The following CTNNA2 variants were observed in gnomAD, a reference collection of about 807,000 sequenced individuals.
CTNNA2 encodes catenin alpha-2.
Under a neutral mutation model 101.0 loss-of-function variants are expected in CTNNA2, and 42 were observed. The ratio of observed to expected loss-of-function variants is 0.42; its 90% CI spans 0.32 to 0.54. CTNNA2 has a LOEUF of 0.54. Among genes scored for constraint, CTNNA2 ranks in the 20% least tolerant of loss-of-function variants. The pLI is 0.14. For missense variants in CTNNA2, 871 were observed against 1,223.1 expected (o/e 0.71, Z 4.29); for synonymous variants, 450 against 456.4 (o/e 0.99, Z 0.18).
At chr2:80,325,527 C>G (rs1429822737) in intron 7 of CTNNA2, among the ~76,000 whole-genome samples, 1 of 152,084 alleles carries the variant, frequency 6.6e-6, no homozygotes, top group East Asian at 1.9e-4. Context: ...TGTATTTTTC[C>G]TGATCAGAGA....
In CTNNA2 at chr2:79,820,767, A is replaced by T. The variant is rs1327325292; in HGVS notation, c.299-37246A>T. On this transcript the variant is annotated intron_variant, in intron 3 of 18. Coordinates refer to ENST00000402739, the MANE Select transcript of CTNNA2 (RefSeq NM_001282597.3). Reference sequence around the variant, plus strand: ...CATGTTCCTCAGAATGAAATGACTTATGCTTGGAAATATTGATGCTTAGCT... The same window carrying T: ...CATGTTCCTCAGAATGAAATGACTTTTGCTTGGAAATATTGATGCTTAGCT... Among the ~76,000 whole-genome samples the T allele has an allele frequency of 2.6e-5, 4 of 152,174 alleles. No individual in the cohort carries two copies. The East Asian group carries it at 7.7e-4, about 29-fold the overall frequency.
intron 4 of CTNNA2, among the ~76,000 whole-genome samples, chr2:79,378,994 C>A (rs11679898): frequency 6.6e-6 from 1 of 151,926 alleles, no homozygotes; most frequent in Admixed American, 6.6e-5. Context: ...TTCCCAGCCT[C>A]AGTACCACTT....
At chr2:79,794,058 C>CA (rs1558934722) in intron 3 of CTNNA2, among the ~76,000 whole-genome samples, 1 of 151,814 alleles carries the variant, frequency 6.6e-6, no homozygotes, top group African/African-American at 2.4e-5. Flanking sequence ...ATGGGTGCAC[C>CA]AAAGTCTCAC....
chr2:80,640,328 T>G (rs1673330216), intron 18 of CTNNA2, among the ~76,000 whole-genome samples: 1 of 152,202 alleles, frequency 6.6e-6, no homozygotes, highest in Admixed American at 6.5e-5. Context: ...GCAAGGTGCC[T>G]GAGTGATTAA....
intron 7 of CTNNA2, among the ~76,000 whole-genome samples, chr2:80,232,341 G>GTTTTTTTTTTTTTTTTTTTTTT (rs1286822049): frequency 2.6e-4 from 21 of 82,040 alleles, no homozygotes; most frequent in Non-Finnish European, 4.0e-4. Context: ...TTGTTTGTTT[G>GTTTTTTTTTTTTTTTTTTTTTT]TTTGTTTTTT....
intron 3 of CTNNA2, among the ~76,000 whole-genome samples, chr2:79,787,788 T>G (rs1674964749): frequency 6.6e-6 from 1 of 152,042 alleles, no homozygotes; most frequent in South Asian, 2.1e-4. Context: ...ATTGATCCTC[T>G]TACCTCTGTC....
At chr2:79,414,014 G>C (rs1678449189) in intron 4 of CTNNA2, among the ~76,000 whole-genome samples, 1 of 149,748 alleles carries the variant, frequency 6.7e-6, no homozygotes, top group African/African-American at 2.5e-5. Context: ...CTATTTTGCA[G>C]AGTCAAGATT....
At chr2:79,529,511 A>G (rs1672615244) in intron 1 of CTNNA2, among the ~76,000 whole-genome samples, 1 of 152,102 alleles carries the variant, frequency 6.6e-6, no homozygotes, top group African/African-American at 2.4e-5. Context: ...GGTGACAGTT[A>G]TAGCTGTGGA....
chr2:80,002,850 T>C (rs78534996), intron 7 of CTNNA2, among the ~76,000 whole-genome samples: 6,357 of 152,172 alleles, frequency 0.042, 451 homozygotes, highest in African/African-American at 0.14. Context: ...AACATCTAAA[T>C]CACCTGTTTA....
intron 4 of CTNNA2, among the ~76,000 whole-genome samples, chr2:79,411,481 AG>A (rs1230072151): frequency 6.6e-6 from 1 of 152,042 alleles, no homozygotes; most frequent in African/African-American, 2.4e-5. Flanking sequence ...AAAAATGTTA[AG>A]GGCAGCCAGA....
chr2:80,302,841 A>T lies in CTNNA2; in HGVS notation c.1057-90370A>T, dbSNP rs781605785. On this transcript the variant is annotated intron_variant, in intron 7 of 18. Coordinates refer to ENST00000402739, the MANE Select transcript of CTNNA2 (RefSeq NM_001282597.3). This position sits in a 1 kb window ranked among gnomAD's most constrained non-coding sequence, Gnocchi z 6.4. ...CGCCCCTGGAAGTTGTTGAGCCACG[A>T]GGCTAGGGCACACACGTTGCGCCCG... The T allele has an allele frequency of 6.2e-7, 1 of 1,614,078 alleles. No individual in the cohort carries two copies.
intron 4 of CTNNA2, among the ~76,000 whole-genome samples, chr2:79,423,056 GGGAGGCCTTTGT>G (rs1002038151): frequency 2.5e-4 from 38 of 152,254 alleles, no homozygotes; most frequent in African/African-American, 8.4e-4. Context: ...ACTTGAAATT[GGGAGGCCTTTGT>G]GATTGCTTAA....
In CTNNA2 at chr2:79,456,152, T is replaced by A. The variant is rs1035383155; in HGVS notation, c.-134-48902T>A. 3.3e-5 allele frequency among the ~76,000 whole-genome samples: 5 copies of A among 150,784 alleles called. No individual in the cohort carries two copies. In the South Asian group the frequency reaches 8.3e-4, roughly 25 times the overall value. ...TAAATTATAAAATTATAATTTAAATTATTTAATAATTTAATAATTTAAACT... is the reference window on the plus strand; with the variant it reads ...TAAATTATAAAATTATAATTTAAATAATTTAATAATTTAATAATTTAAACT... On this transcript the variant is annotated intron_variant, in intron 4 of 21. Transcript: ENST00000466387.
Position 79,449,112 on chromosome 2 carries a change from C to G in CTNNA2, c.-134-55942C>G, listed in dbSNP as rs115561754. On this transcript the variant is annotated intron_variant, in intron 4 of 21. Transcript: ENST00000466387. ...TTAAGAAAGGGATTCTGTCCCCACT[C>G]CCCCCAAAAAGGGGTTTTAAAATGA... 4.9e-3 allele frequency among the ~76,000 whole-genome samples: 747 copies of G among 151,920 alleles called. 10 individuals are homozygous for G. The highest frequency in any genetic ancestry group is 0.017 in the African/African-American group (703 of 41,484).
chr2:79,959,370 A>G (rs912793121), intron 7 of CTNNA2, among the ~76,000 whole-genome samples: 1 of 152,166 alleles, frequency 6.6e-6, no homozygotes, highest in Non-Finnish European at 1.5e-5. Flanking sequence ...AGTTGAAAAA[A>G]CTTTCAAATT....
At chr2:80,003,524 C>T (rs1040965270) in intron 7 of CTNNA2, among the ~76,000 whole-genome samples, 1 of 152,150 alleles carries the variant, frequency 6.6e-6, no homozygotes, top group African/African-American at 2.4e-5. Flanking sequence ...GGACCATATT[C>T]GGGACACCAT....
At chr2:79,496,775 T>G (rs1671260964) in intron 4 of CTNNA2, among the ~76,000 whole-genome samples, 1 of 151,988 alleles carries the variant, frequency 6.6e-6, no homozygotes, top group Non-Finnish European at 1.5e-5. Context: ...GGAGATATAA[T>G]TATATTAAAA....
intron 1 of CTNNA2, among the ~76,000 whole-genome samples, chr2:79,563,529 C>CT (rs1178043049): frequency 1.3e-5 from 2 of 152,070 alleles, no homozygotes; most frequent in Non-Finnish European, 2.9e-5. Context: ...CTCTAATGGG[C>CT]TGCCATCTCC....
At chr2:79,369,800 A>G (rs1230360021) in intron 3 of CTNNA2, among the ~76,000 whole-genome samples, 2 of 152,114 alleles carry the variant, frequency 1.3e-5, no homozygotes, top group South Asian at 2.1e-4. Context: ...ATTCTGTCCA[A>G]CGTTCAAGAC....
Sources: gnomAD v4.1 joint callset for allele counts (sites outside exome capture counted in the v4.1 genomes callset) on GRCh38, gnomAD v4.1.1 for gene constraint, Gnocchi (gnomAD v3.1) non-coding constraint, MANE v1.5 for transcripts, NCBI Gene and HGNC (gene_info 2026-07-23, HGNC 2026-07-21) for gene names.